The following ZNF540 variants were observed in gnomAD, a reference collection of about 807,000 sequenced individuals.
The protein encoded by ZNF540 is CTD-3064H18.6.
ZNF540 carries 3 observed loss-of-function variants against 11.8 expected under a neutral mutation model. The ratio of observed to expected loss-of-function variants is 0.25; its 90% CI spans 0.12 to 0.65. ZNF540 has a LOEUF of 0.65. Ranked by LOEUF, ZNF540 falls within the 30% of genes least tolerant of loss-of-function variation. ZNF540 has a pLI of 0.83. For synonymous variants in ZNF540, 247 were observed against 259.0 expected (o/e 0.95, Z 0.45); for missense variants, 709 against 793.1 (o/e 0.89, Z 1.27).
At chr19:37,595,278 T>C (rs890669343) in intron 1 of ZNF540, 183 bp downstream of exon 1, 1 of 152,362 alleles carries the variant, frequency 6.6e-6, no homozygotes, top group African/African-American at 2.4e-5. Context: ...GAGTGGGTAG[T>C]GGCCATGCCT....
Position 37,604,804 on chromosome 19 carries a change from C to T in ZNF540, c.232+3699C>T, listed in dbSNP as rs1057418945. The stretch of plus-strand genomic sequence containing the variant: ...CTTTACAGTCAGTACCCTTCCCCCA[C>T]TTTCAGCTCAGCCCGTGACAGGCAA... On this transcript the variant is annotated intron_variant, in intron 4 of 4. Transcript: ENST00000316433. Among the ~76,000 whole-genome samples the T allele has an allele frequency of 3.9e-5, 6 of 152,292 alleles. No homozygotes were observed. The East Asian group carries it at 5.8e-4, about 15-fold the overall frequency.
In ZNF540 at chr19:37,611,513, G is replaced by C. The variant is rs760747680; in HGVS notation, c.233G>C (p.Gly78Ala). ...ARDVTGRQCP[G>A]LLSRHKTKKL... Reference sequence around the variant, plus strand: ...TGTTTGCTTTTATGTTTTCTTTCAGGTTTGTTATCCAGGCATAAGACCAAG... The same window carrying C: ...TGTTTGCTTTTATGTTTTCTTTCAGCTTTGTTATCCAGGCATAAGACCAAG... Residue 78 changes from glycine to alanine, a missense_variant and splice_region_variant, in exon 5 of 5, where the codon GGT becomes GCT. By Grantham distance (60) the Gly-to-Ala change is moderately conservative. Transcript: ENST00000316433. 1 of 1,566,770 alleles carries C rather than the reference G, an allele frequency of 6.4e-7. No individual in the cohort carries two copies. The highest frequency in any genetic ancestry group is 1.2e-5 in the South Asian group (1 of 83,140).
chr19:37,584,413 C>A (rs912236297), intron 1 of ZNF540, among the ~76,000 whole-genome samples: 1 of 152,346 alleles, frequency 6.6e-6, no homozygotes, highest in South Asian at 2.1e-4. Flanking sequence ...GATAAGGCTT[C>A]CAAATCCTCA....
intron 4 of ZNF540, among the ~76,000 whole-genome samples, chr19:37,609,185 G>T (rs1354001936): frequency 6.6e-6 from 1 of 152,118 alleles, no homozygotes; most frequent in African/African-American, 2.4e-5. Flanking sequence ...TCTCTATCAA[G>T]TATAGGAATG....
chr19:37,579,520 G>GAATAT (rs2043371358), intron 1 of ZNF540, among the ~76,000 whole-genome samples: 1 of 150,794 alleles, frequency 6.6e-6, no homozygotes, highest in Non-Finnish European at 1.5e-5. Context: ...AAATGGTGCT[G>GAATAT]GGATAACTGG....
chr19:37,614,170 A>G lies in ZNF540; in HGVS notation c.*907A>G. The G allele has an allele frequency of 3.7e-6, 1 of 272,134 alleles. No homozygotes were observed. The highest frequency in any genetic ancestry group is 6.8e-6 in the Non-Finnish European group (1 of 147,260). The allele number at this position is 272,134 out of a possible 1,614,324, so 16.9% of individuals were successfully genotyped here. On this transcript the variant is annotated 3_prime_UTR_variant, in exon 5 of 5. Transcript: ENST00000316433. ...TCCATTAGAATATAAATAAAATGTAAAGATCTAAATTCAGACCTCATTGCT... is the reference window on the plus strand; with the variant it reads ...TCCATTAGAATATAAATAAAATGTAGAGATCTAAATTCAGACCTCATTGCT...
intron 4 of ZNF540, among the ~76,000 whole-genome samples, chr19:37,610,543 T>A (rs1275259318): frequency 6.6e-6 from 1 of 152,146 alleles, no homozygotes; most frequent in Non-Finnish European, 1.5e-5. Context: ...TAACCAACCA[T>A]TAAGAATGAG....
chr19:37,596,626 A>T (rs1022111690), intron 1 of ZNF540, among the ~76,000 whole-genome samples: 1 of 152,190 alleles, frequency 6.6e-6, no homozygotes, highest in Non-Finnish European at 1.5e-5. Flanking sequence ...GTCTGCATAT[A>T]TCCTAGTGAA....
upstream of ZNF540, among the ~76,000 whole-genome samples, chr19:37,591,930 T>C: frequency 6.6e-6 from 1 of 152,116 alleles, no homozygotes; most frequent in East Asian, 1.9e-4. Flanking sequence ...ACAGGAGGAA[T>C]TGAGAGAATT....
At chr19:37,606,917 T>G (rs1329255912) in intron 4 of ZNF540, among the ~76,000 whole-genome samples, 1 of 152,172 alleles carries the variant, frequency 6.6e-6, no homozygotes, top group East Asian at 1.9e-4. Context: ...AATGTATCTT[T>G]TTTTTCTTTT....
intron 4 of ZNF540, among the ~76,000 whole-genome samples, chr19:37,603,855 C>T (rs1185308061): frequency 1.3e-5 from 2 of 152,078 alleles, no homozygotes; most frequent in African/African-American, 4.8e-5. Context: ...GTTGATTCCT[C>T]TATATCAAGC....
intron 1 of ZNF540, among the ~76,000 whole-genome samples, chr19:37,573,668 C>CAA (rs55763844): frequency 1.1e-3 from 93 of 88,114 alleles, no homozygotes; most frequent in Non-Finnish European, 9.3e-4. Flanking sequence ...CTTGTGTCTA[C>CAA]AAAAAAAAAA....
rs372725803 is a variant in ZNF540 at position 37,600,737 on chromosome 19, A to G, written c.137-273A>G. ...TTCAGAGGCTATGCCCTCAATAACTACTGCCTCTCAATAGAGCCAGTCTGT... is the reference window on the plus strand; with the variant it reads ...TTCAGAGGCTATGCCCTCAATAACTGCTGCCTCTCAATAGAGCCAGTCTGT... On this transcript the variant is annotated intron_variant, in intron 3 of 4. Coordinates refer to ENST00000316433, the MANE Select transcript of ZNF540 (RefSeq NM_001172225.3). 3.3e-5 allele frequency among the ~76,000 whole-genome samples: 5 copies of G among 152,244 alleles called. No individual in the cohort carries two copies. The East Asian group carries it at 9.7e-4, about 29-fold the overall frequency.
At chr19:37,586,822 T>G in intron 1 of ZNF540, 1 of 824,522 alleles carries the variant, frequency 1.2e-6, no homozygotes, top group Middle Eastern at 2.3e-4. Context: ...CTACCTTTAC[T>G]TCTCCTCTTT....
At chr19:37,565,301 G>A (rs763590603) in intron 1 of ZNF540, 2 of 1,610,394 alleles carry the variant, frequency 1.2e-6, no homozygotes, top group Non-Finnish European at 1.7e-6. Flanking sequence ...AGTAAGTTGT[G>A]AGCCACGAAA....
At chr19:37,608,242 CT>C (rs1168475685) in intron 4 of ZNF540, among the ~76,000 whole-genome samples, 1 of 152,080 alleles carries the variant, frequency 6.6e-6, no homozygotes, top group Non-Finnish European at 1.5e-5. Flanking sequence ...TATTTTTTCT[CT>C]TTCTTTTCAG....
intron 1 of ZNF540, among the ~76,000 whole-genome samples, chr19:37,578,034 T>C (rs1170593609): frequency 2.0e-5 from 3 of 152,100 alleles, no homozygotes; most frequent in African/African-American, 4.8e-5. Context: ...GCTCGAACCC[T>C]ATAGTAAAGT....
At chr19:37,566,804 A>G (rs1351852655) in intron 1 of ZNF540, among the ~76,000 whole-genome samples, 1 of 152,180 alleles carries the variant, frequency 6.6e-6, no homozygotes, top group African/African-American at 2.4e-5. Context: ...TGTGGTTTAT[A>G]TAACATGATT....
intron 1 of ZNF540, among the ~76,000 whole-genome samples, chr19:37,557,645 C>T (rs1300293595): frequency 6.6e-6 from 1 of 152,124 alleles, no homozygotes; most frequent in Non-Finnish European, 1.5e-5. Flanking sequence ...TCGGATGGGC[C>T]AGTTTCGGTA....
Sources: allele counts gnomAD v4.1 joint callset (sites outside exome capture counted in the v4.1 genomes callset), GRCh38; gene constraint gnomAD v4.1.1; transcripts MANE v1.5; gene names NCBI Gene and HGNC (gene_info 2026-07-23, HGNC 2026-07-21).